The following ALKBH3 variants were observed in gnomAD, a reference collection of about 807,000 sequenced individuals.
The protein encoded by ALKBH3 is alpha-ketoglutarate-dependent dioxygenase alkB homolog 3.
Under a neutral mutation model 43.9 loss-of-function variants are expected in ALKBH3, and 51 were observed. That is an observed-to-expected ratio of 1.16 (90% CI 0.93 to 1.47). ALKBH3 has a LOEUF of 1.47. ALKBH3 is among the 40% of genes most tolerant of loss of function. The pLI is 0.00. For missense variants in ALKBH3, 361 were observed against 351.9 expected, an observed-to-expected ratio of 1.03 and a Z score of -0.21; for synonymous variants, 102 against 115.2, an observed-to-expected ratio of 0.89 and a Z score of 0.73.
chr11:43,897,082 C>T (rs867500424), intron 7 of ALKBH3: 3 of 369,004 alleles, frequency 8.1e-6, no homozygotes, highest in African/African-American at 2.1e-5. Context: ...GCTGGGACAA[C>T]AAACGTGCCA....
chr11:43,889,694 T>G, intron 5 of ALKBH3, 31 bp from the exon 6 acceptor site: 1 of 1,582,824 alleles, frequency 6.3e-7, no homozygotes, highest in South Asian at 1.1e-5. Flanking sequence ...TTTCCATGTT[T>G]TTTGGTTAAC....
chr11:43,883,846 A>G, intron 3 of ALKBH3, 137 bp from the exon 4 acceptor site: 1 of 926,380 alleles, frequency 1.1e-6, no homozygotes, highest in Non-Finnish European at 1.6e-6. Context: ...AAGGGTCTCT[A>G]GTGGGTTAGT....
At chr11:43,899,652 A>G in intron 7 of ALKBH3, 1 of 460,038 alleles carries the variant, frequency 2.2e-6, no homozygotes, top group Non-Finnish European at 4.0e-6. Flanking sequence ...GAGACATTGT[A>G]TGGACTCCTC....
At chr11:43,883,835 C>T in intron 3 of ALKBH3, 148 bp from the exon 4 acceptor site, 1 of 779,798 alleles carries the variant, frequency 1.3e-6, no homozygotes, top group East Asian at 2.8e-5. Flanking sequence ...AGAGTGGAGA[C>T]AAGGGTCTCT....
intron 8 of ALKBH3, among the ~76,000 whole-genome samples, chr11:43,911,045 A>C (rs1951934684): frequency 6.6e-6 from 1 of 152,236 alleles, no homozygotes; most frequent in Non-Finnish European, 1.5e-5. Flanking sequence ...CTAGACTATA[A>C]TCAAATAAAC....
intron 5 of ALKBH3, among the ~76,000 whole-genome samples, chr11:43,887,530 G>A (rs1465356311): frequency 6.6e-6 from 1 of 151,952 alleles, no homozygotes; most frequent in Non-Finnish European, 1.5e-5. Flanking sequence ...GGCTGGTCTC[G>A]AACTCCTGAC....
intron 8 of ALKBH3, among the ~76,000 whole-genome samples, chr11:43,915,105 G>T (rs1016425596): frequency 6.6e-6 from 1 of 151,968 alleles, no homozygotes; most frequent in African/African-American, 2.4e-5. Context: ...CTACTCGGGA[G>T]GCTGAGGCAC....
At chr11:43,884,651 G>A (rs1425125297) in intron 4 of ALKBH3, among the ~76,000 whole-genome samples, 1 of 152,164 alleles carries the variant, frequency 6.6e-6, no homozygotes, top group Non-Finnish European at 1.5e-5. Flanking sequence ...TCAGATATAT[G>A]TTCTTGCCCA....
In ALKBH3 at chr11:43,882,674, G is replaced by T; in HGVS notation, c.22G>T (p.Ala8Ser). MEEKRRR[A>S]RVQGAWAAPV... ...CAACATGGAGGAAAAAAGACGGCGA[G>T]CCCGAGTTCAGGGAGCCTGGGCTGC... is the stretch of plus-strand genomic sequence containing the variant. The change falls in exon 2 of 10, where the codon GCC becomes TCC. Residue 8 changes from alanine to serine, a missense_variant. Coordinates refer to ENST00000302708, the MANE Select transcript of ALKBH3 (RefSeq NM_139178.4). 1 of 1,613,384 alleles carries T rather than the reference G, an allele frequency of 6.2e-7. No homozygotes were observed. The highest frequency in any genetic ancestry group is 8.5e-7 in the Non-Finnish European group (1 of 1,179,792).
At chr11:43,889,659 C>T in intron 5 of ALKBH3, 66 bp from the exon 6 acceptor site, 1 of 1,402,910 alleles carries the variant, frequency 7.1e-7, no homozygotes, top group Non-Finnish European at 1.0e-6. Context: ...ACTGTTTCCA[C>T]TAACATTTAG....
At chr11:43,900,474 G>A (rs542269127) in intron 7 of ALKBH3, among the ~76,000 whole-genome samples, 4 of 151,832 alleles carry the variant, frequency 2.6e-5, no homozygotes, top group Non-Finnish European at 4.4e-5. Context: ...CACCCGCCTC[G>A]GCCTCCCAAA....
intron 7 of ALKBH3, among the ~76,000 whole-genome samples, chr11:43,895,769 A>G (rs925469584): frequency 2.0e-5 from 3 of 152,236 alleles, no homozygotes; most frequent in African/African-American, 7.2e-5. Flanking sequence ...AGCATGAATC[A>G]AGCCATTGTC....
chr11:43,888,393 A>G (rs1041784486), intron 5 of ALKBH3, among the ~76,000 whole-genome samples: 3 of 152,168 alleles, frequency 2.0e-5, no homozygotes, highest in East Asian at 1.9e-4. Flanking sequence ...GTAAGCCACC[A>G]TACGTGGCCT....
intron 8 of ALKBH3, among the ~76,000 whole-genome samples, chr11:43,908,006 A>G (rs1951908176): frequency 6.6e-6 from 1 of 152,208 alleles, no homozygotes; most frequent in African/African-American, 2.4e-5. Context: ...AAGGAGAAAA[A>G]GGGATGATTC....
chr11:43,882,943 C>A, intron 2 of ALKBH3, 142 bp from the exon 3 acceptor site: 1 of 822,402 alleles, frequency 1.2e-6, no homozygotes, highest in Non-Finnish European at 1.9e-6. Flanking sequence ...TCAAACCTTT[C>A]AGTATCTTCT....
rs556270985 is a variant in ALKBH3 at position 43,903,509 on chromosome 11, T to C, written c.669+1784T>C. Among the ~76,000 whole-genome samples, 63 of 152,328 alleles carry C rather than the reference T, an allele frequency of 4.1e-4. No individual in the cohort carries two copies. In the South Asian group the frequency reaches 0.013, roughly 31 times the overall value. Reference sequence around the variant, plus strand: ...GTCCTGAGACCGGGGGCCGTAGCAGTGAATGAGTAAGATGAAATTGTCTTT... The same window carrying C: ...GTCCTGAGACCGGGGGCCGTAGCAGCGAATGAGTAAGATGAAATTGTCTTT... On this transcript the variant is annotated intron_variant, in intron 8 of 9. Coordinates refer to ENST00000302708, the MANE Select transcript of ALKBH3 (RefSeq NM_139178.4).
At chr11:43,894,460 G>A (rs1159537362) in intron 7 of ALKBH3, among the ~76,000 whole-genome samples, 3 of 152,182 alleles carry the variant, frequency 2.0e-5, no homozygotes, top group Middle Eastern at 3.2e-3. Flanking sequence ...TGAATATAGA[G>A]TATTGGTTGG....
intron 5 of ALKBH3, among the ~76,000 whole-genome samples, chr11:43,888,974 A>G (rs1951764778): frequency 6.6e-6 from 1 of 152,270 alleles, no homozygotes; most frequent in African/African-American, 2.4e-5. Flanking sequence ...GCATAGTCTC[A>G]GAAGACTACC....
chr11:43,897,202 A>G (rs532648502), intron 7 of ALKBH3: 8 of 523,996 alleles, frequency 1.5e-5, no homozygotes, highest in Middle Eastern at 7.2e-4. Flanking sequence ...CAGATTCCAT[A>G]TTGCAACTAA....
Sources: allele counts gnomAD v4.1 joint callset (sites outside exome capture counted in the v4.1 genomes callset), GRCh38; gene constraint gnomAD v4.1.1; transcripts MANE v1.5; gene names NCBI Gene and HGNC (gene_info 2026-07-23, HGNC 2026-07-21).